The following STARD9 variants were observed in gnomAD, a reference collection of about 807,000 sequenced individuals.
The protein encoded by STARD9 is stAR-related lipid transfer protein 9.
A neutral mutation model predicts 399.8 loss-of-function variants in STARD9; 346 were observed. The observed-to-expected ratio is 0.87, with a 90% CI of 0.79 to 0.95. The LOEUF is 0.95. Among genes scored for constraint, STARD9 ranks in the 40% least tolerant of loss-of-function variants. The probability of loss-of-function intolerance (pLI) is 0.00; values close to 1 mark genes in which losing one functional copy is unlikely to be tolerated. For missense variants in STARD9, 5,832 were observed against 5,667.5 expected, an observed-to-expected ratio of 1.03 and a Z score of -0.93; for synonymous variants, 2,203 against 2,143.5, an observed-to-expected ratio of 1.03 and a Z score of -0.77.
chr15:42,664,086 A>G (rs1178844254), intron 13 of STARD9, among the ~76,000 whole-genome samples, 169 bp downstream of exon 13: 1 of 151,910 alleles, frequency 6.6e-6, no homozygotes, highest in Non-Finnish European at 1.5e-5. Flanking sequence ...CTTCTTTCCT[A>G]TCTCTACTGC....
rs759929175 is a variant in STARD9 at position 42,690,403 on chromosome 15, C to T, written c.8825C>T (p.Pro2942Leu). 3.1e-5 allele frequency: 47 copies of T among 1,537,124 alleles called. No homozygotes were observed. Among genetic ancestry groups the T allele is most frequent in the South Asian group, 1.8e-4 (15 of 84,072 alleles). ...CCTGAAGGCAGCAGGACTCTCAGCC[C>T]GTCTAGAGGGAAAGAGAGCAGAACT... ...RNPEGSRTLS[P>L]SRGKESRTLP... Residue 2942 changes from proline to leucine, a missense_variant, in exon 23 of 33, where the codon CCG becomes CTG. Physicochemically the swap from Pro to Leu is moderately conservative, Grantham distance 98 (BLOSUM62 -3). Transcript: ENST00000290607.
intron 20 of STARD9, among the ~76,000 whole-genome samples, chr15:42,678,968 G>T (rs944639368): frequency 6.6e-6 from 1 of 152,208 alleles, no homozygotes; most frequent in African/African-American, 2.4e-5. Flanking sequence ...TCTCCTTGCA[G>T]GTCCTATGGC....
intron 24 of STARD9, 79 bp downstream of exon 24, chr15:42,694,804 G>C (rs903516799): frequency 1.5e-5 from 19 of 1,227,486 alleles, no homozygotes; most frequent in Non-Finnish European, 2.0e-5. Context: ...TGAAGTTTTA[G>C]CATCCTGGAG....
chr15:42,584,091 C>G (rs1437449704), intron 2 of STARD9, among the ~76,000 whole-genome samples: 1 of 151,802 alleles, frequency 6.6e-6, no homozygotes, highest in Non-Finnish European at 1.5e-5. Context: ...TCTTTCTGGG[C>G]CTTGGGGAGT....
rs1211128674 is a variant in STARD9, at chr15:42,686,753, A to G, written c.5175A>G (p.Leu1725=). 6 of 1,537,536 alleles carry G rather than the reference A, an allele frequency of 3.9e-6. No individual in the cohort carries two copies. Among genetic ancestry groups the G allele is most frequent in the Admixed American group, 2.0e-5 (1 of 51,004 alleles). The part of the protein sequence containing the change: ...VSFALPSGPE[L]YLHSAPWNPL... ...TTGCCCTTCCTTCAGGTCCAGAGCT[A>G]TACCTTCACTCTGCTCCCTGGAATC... Residue 1725 remains leucine, a synonymous_variant, in exon 23 of 33, where the codon CTA becomes CTG. Transcript: ENST00000290607.
chr15:42,579,711 GA>G (rs914244443), intron 1 of STARD9, among the ~76,000 whole-genome samples: 124 of 151,594 alleles, frequency 8.2e-4, no homozygotes, highest in African/African-American at 2.9e-3. Flanking sequence ...ATCCACAAAG[GA>G]AAAAAAATGC....
intron 3 of STARD9, among the ~76,000 whole-genome samples, chr15:42,601,452 G>A (rs1359518322): frequency 1.3e-4 from 19 of 151,290 alleles, no homozygotes; most frequent in African/African-American, 3.6e-4. Context: ...GGGCAGAGGC[G>A]CCCCCCAACC....
Position 42,695,805 on chromosome 15 carries a change from C to T in STARD9, c.13209C>T (p.Ser4403=), listed in dbSNP as rs1426126433. The T allele has an allele frequency of 1.3e-6, 2 of 1,537,254 alleles. No individual in the cohort carries two copies. Among genetic ancestry groups the T allele is most frequent in the East Asian group, 2.4e-5 (1 of 40,922 alleles). The change falls in exon 26 of 33, where the codon AGC becomes AGT. Residue 4403 remains serine, a synonymous_variant. Coordinates refer to ENST00000290607, the MANE Select transcript of STARD9 (RefSeq NM_020759.3). ...SSSLCTSSNG[S]LSSGMTSGYN... Reference sequence around the variant, plus strand: ...CCCTGTGCACCAGCTCTAATGGAAGCCTCTCGTCTGGCATGACCTCTGGCT... The same window carrying T: ...CCCTGTGCACCAGCTCTAATGGAAGTCTCTCGTCTGGCATGACCTCTGGCT...
intron 10 of STARD9, among the ~76,000 whole-genome samples, chr15:42,661,602 A>T (rs1412340039): frequency 2.0e-5 from 3 of 151,268 alleles, no homozygotes; most frequent in Non-Finnish European, 4.4e-5. Context: ...GTGACACCAC[A>T]TCTGGCTTTC....
Position 42,693,878 on chromosome 15 carries a change from A to G in STARD9, c.12300A>G (p.Arg4100=). ...AGTTGACTGATACTGCAGGGCTCCG[A>G]GGTTCTGCCTTGGGCCTCCCTCAGG... The part of the protein sequence containing the change: ...VSELTDTAGL[R]GSALGLPQAC... Residue 4100 remains arginine (R), a synonymous_variant, in exon 23 of 33, where the codon CGA becomes CGG. Coordinates refer to ENST00000290607, the MANE Select transcript of STARD9 (RefSeq NM_020759.3). 6.5e-7 allele frequency: 1 copy of G among 1,534,498 alleles called. No individual in the cohort carries two copies.
In STARD9 at chr15:42,686,639, T is replaced by A; in HGVS notation, c.5061T>A (p.Ser1687Arg). The A allele has an allele frequency of 6.5e-7, 1 of 1,537,138 alleles. No homozygotes were observed. The highest frequency in any genetic ancestry group is 8.7e-7 in the Non-Finnish European group (1 of 1,146,918). Reference sequence around the variant, plus strand: ...GTGCAGTCCAGCCAGGGCAATTAAGTCCCGACAGCCACTACCCACTAGAGG... The same window carrying A: ...GTGCAGTCCAGCCAGGGCAATTAAGACCCGACAGCCACTACCCACTAGAGG... ...KNSAVQPGQL[S>R]PDSHYPLEEE... The change falls in exon 23 of 33, where the codon AGT (serine) becomes AGA (arginine). Residue 1687 changes from serine (S) to arginine (R), a missense_variant. Physicochemically the swap from Ser to Arg is moderately radical, Grantham distance 110 (BLOSUM62 -1). Coordinates refer to ENST00000290607, the MANE Select transcript of STARD9 (RefSeq NM_020759.3).
Position 42,658,570 on chromosome 15 carries a change from C to T in STARD9, c.703-2588C>T, listed in dbSNP as rs1486444436. 2.6e-5 allele frequency among the ~76,000 whole-genome samples: 4 copies of T among 151,424 alleles called. No homozygotes were observed. The East Asian group carries it at 5.8e-4, about 22-fold the overall frequency. On this transcript the variant is annotated intron_variant, in intron 9 of 32. Coordinates refer to ENST00000290607, the MANE Select transcript of STARD9 (RefSeq NM_020759.3). ...CAATCTTGACTCATTGCAACCTCCACCTCCCGGGTTCAAGTGATTCTCCTG... is the reference window on the plus strand; with the variant it reads ...CAATCTTGACTCATTGCAACCTCCATCTCCCGGGTTCAAGTGATTCTCCTG...
At chr15:42,668,420 G>A (rs1566919168) in intron 15 of STARD9, among the ~76,000 whole-genome samples, 1 of 149,606 alleles carries the variant, frequency 6.7e-6, no homozygotes, top group East Asian at 2.0e-4. Context: ...TCCATTCCCA[G>A]GATAAGCTCA....
chr15:42,676,050 T>TGGGGTGGGGGG, intron 20 of STARD9, 75 bp downstream of exon 20: 1 of 155,370 alleles, frequency 6.4e-6, no homozygotes, highest in Non-Finnish European at 1.2e-5. Flanking sequence ...TGGATCAGGG[T>TGGGGTGGGGGG]GGGGGTGGGG....
intron 4 of STARD9, 128 bp from the exon 5 acceptor site, chr15:42,637,779 G>A (rs368393349): frequency 1.1e-6 from 1 of 922,956 alleles, no homozygotes; most frequent in Non-Finnish European, 1.7e-6. Flanking sequence ...GAAACTGCCT[G>A]GAGTGAAGAG....
In STARD9 at chr15:42,603,393, G is replaced by A. The variant is rs150536629; in HGVS notation, c.234+17756G>A. On this transcript the variant is annotated intron_variant, in intron 3 of 32. Transcript: ENST00000290607. ...GCCTCCCAAAGTGCTGGGATTACAG[G>A]CATGAGCCACCATGCCAGCCAAAAA... Among the ~76,000 whole-genome samples the A allele has an allele frequency of 4.4e-3, 676 of 152,182 alleles. 4 individuals carry two copies. The highest frequency in any genetic ancestry group is 0.034 in the Middle Eastern group (10 of 294).
chr15:42,606,422 G>A lies in STARD9; in HGVS notation c.234+20785G>A, dbSNP rs1337631027. Among the ~76,000 whole-genome samples the A allele has an allele frequency of 2.6e-5, 4 of 152,032 alleles. No individual in the cohort carries two copies. The South Asian group carries it at 6.2e-4, about 24-fold the overall frequency. On this transcript the variant is annotated intron_variant, in intron 3 of 32. Transcript: ENST00000290607. The stretch of plus-strand genomic sequence containing the variant: ...CATGTGTTTTCAAGCCTCTCTATTG[G>A]CCCCTCTCTCTGAGATGTGCAGAAC...
At chr15:42,698,132 G>A (rs905569751) in intron 26 of STARD9, among the ~76,000 whole-genome samples, 5 of 152,098 alleles carry the variant, frequency 3.3e-5, no homozygotes, top group Non-Finnish European at 4.4e-5. Flanking sequence ...GAGTTGCACC[G>A]TCATTTACCC....
intron 26 of STARD9, among the ~76,000 whole-genome samples, chr15:42,704,421 C>T (rs1450909746): frequency 6.6e-6 from 1 of 152,078 alleles, no homozygotes; most frequent in Non-Finnish European, 1.5e-5. Context: ...TGATGCTTTC[C>T]AATGTGTGTC....
Sources: allele counts gnomAD v4.1 joint callset (sites outside exome capture counted in the v4.1 genomes callset), GRCh38; gene constraint gnomAD v4.1.1; transcripts MANE v1.5; gene names NCBI Gene and HGNC (gene_info 2026-07-23, HGNC 2026-07-21).